Variants in ADAMTS12 observed in about 807,000 individuals in gnomAD.
The protein encoded by ADAMTS12 is A disintegrin and metalloproteinase with thrombospondin motifs 12.
In ADAMTS12, 118 loss-of-function variants were observed where a neutral mutation model predicts 167.8. The ratio of observed to expected loss-of-function variants is 0.70; its 90% CI spans 0.61 to 0.82. The LOEUF is 0.82. Ranked by LOEUF, ADAMTS12 falls within the 40% of genes least tolerant of loss-of-function variation. The probability of loss-of-function intolerance (pLI) is 0.00; values close to 1 mark genes in which losing one functional copy is unlikely to be tolerated. For missense variants in ADAMTS12, 1,916 were observed against 1,998.8 expected (o/e 0.96, Z 0.79); for synonymous variants, 704 against 716.9 (o/e 0.98, Z 0.29).
At chr5:33,531,787 G>A (rs184169139) in intron 23 of ADAMTS12, among the ~76,000 whole-genome samples, 2 of 152,298 alleles carry the variant, frequency 1.3e-5, no homozygotes, top group African/African-American at 4.8e-5. Context: ...ATGAGATCAA[G>A]AGCCTTGCTT....
At chr5:33,859,729 C>T (rs988763542) in intron 2 of ADAMTS12, among the ~76,000 whole-genome samples, 2 of 152,198 alleles carry the variant, frequency 1.3e-5, no homozygotes, top group Non-Finnish European at 2.9e-5. Context: ...CACCTCCCAG[C>T]AGGGGTCGAC....
chr5:33,867,461 T>C (rs1000586437), intron 2 of ADAMTS12, among the ~76,000 whole-genome samples: 9 of 151,874 alleles, frequency 5.9e-5, no homozygotes, highest in African/African-American at 1.9e-4. Context: ...GACTCAGAAG[T>C]GGGAGGTTGG....
chr5:33,717,997 A>G (rs1322390258), intron 3 of ADAMTS12, among the ~76,000 whole-genome samples: 1 of 152,214 alleles, frequency 6.6e-6, no homozygotes, highest in African/African-American at 2.4e-5. Context: ...TTGTGAGGCA[A>G]AAGTTTTACA....
chr5:33,626,305 G>A (rs1244925561), intron 13 of ADAMTS12, among the ~76,000 whole-genome samples: 3 of 150,912 alleles, frequency 2.0e-5, no homozygotes. Flanking sequence ...TGGTGCTGCG[G>A]GGTAATGGTG....
chr5:33,615,730 A>G (rs1738967456), intron 15 of ADAMTS12, 98 bp downstream of exon 15: 1 of 1,500,348 alleles, frequency 6.7e-7, no homozygotes, highest in Non-Finnish European at 9.0e-7. Flanking sequence ...GAGGTTTTAA[A>G]GATTCTGACT....
intron 20 of ADAMTS12, among the ~76,000 whole-genome samples, chr5:33,551,968 C>T (rs1031716520): frequency 2.0e-5 from 3 of 152,092 alleles, no homozygotes; most frequent in East Asian, 3.8e-4. Context: ...GTAAAGCCTG[C>T]GAACCAGACT....
chr5:33,537,222 T>C (rs1434397898), intron 22 of ADAMTS12, among the ~76,000 whole-genome samples: 1 of 152,230 alleles, frequency 6.6e-6, no homozygotes, highest in Non-Finnish European at 1.5e-5. Context: ...GTAAATATGA[T>C]CAATCAACTT....
At chr5:33,630,999 C>A in intron 12 of ADAMTS12, 86 bp from the exon 13 acceptor site, 1 of 1,501,920 alleles carries the variant, frequency 6.7e-7, no homozygotes, top group Non-Finnish European at 9.1e-7. Context: ...TTAGGACCCC[C>A]AAGTGTCATT....
At chr5:33,535,341 C>G (rs1184410702) in intron 22 of ADAMTS12, among the ~76,000 whole-genome samples, 1 of 152,184 alleles carries the variant, frequency 6.6e-6, no homozygotes, top group African/African-American at 2.4e-5. Flanking sequence ...GCCACCTGGC[C>G]ACACATGACT....
chr5:33,548,496 G>C (rs761114694), intron 21 of ADAMTS12, among the ~76,000 whole-genome samples: 4 of 152,060 alleles, frequency 2.6e-5, no homozygotes, highest in Non-Finnish European at 4.4e-5. Context: ...AATATGCAGG[G>C]TTCCTCTTTT....
At chr5:33,530,623 G>C (rs1744051087) in intron 23 of ADAMTS12, among the ~76,000 whole-genome samples, 1 of 152,206 alleles carries the variant, frequency 6.6e-6, no homozygotes, top group Non-Finnish European at 1.5e-5. Flanking sequence ...GAGGAAGGGT[G>C]GAGGCTCAGC....
intron 3 of ADAMTS12, among the ~76,000 whole-genome samples, chr5:33,719,367 C>A (rs1202109027): frequency 6.6e-6 from 1 of 152,128 alleles, no homozygotes; most frequent in Non-Finnish European, 1.5e-5. Context: ...AGAGCAGGCA[C>A]CCTCATACAC....
chr5:33,830,527 G>A (rs1014672834), intron 2 of ADAMTS12, among the ~76,000 whole-genome samples: 2 of 152,170 alleles, frequency 1.3e-5, no homozygotes, highest in African/African-American at 4.8e-5. Context: ...AGTGACTCAC[G>A]CCTGTAATCC....
chr5:33,580,757 A>T (rs890887699), intron 18 of ADAMTS12, among the ~76,000 whole-genome samples: 7 of 152,226 alleles, frequency 4.6e-5, no homozygotes, highest in Admixed American at 2.0e-4. Context: ...CCAACATTTT[A>T]AAAATTAGCA....
chr5:33,786,328 A>G (rs904375352), intron 2 of ADAMTS12, among the ~76,000 whole-genome samples: 6 of 152,216 alleles, frequency 3.9e-5, no homozygotes, highest in African/African-American at 1.4e-4. Flanking sequence ...TAAGGCTGTT[A>G]AAAACATTTT....
At chr5:33,822,842 C>A (rs1415751926) in intron 2 of ADAMTS12, among the ~76,000 whole-genome samples, 1 of 152,122 alleles carries the variant, frequency 6.6e-6, no homozygotes, top group Non-Finnish European at 1.5e-5. Context: ...AATCCCAGCA[C>A]TTTGGGGGGC....
At chr5:33,800,074 CA>C (rs757055753) in intron 2 of ADAMTS12, among the ~76,000 whole-genome samples, 1 of 152,150 alleles carries the variant, frequency 6.6e-6, no homozygotes, top group Non-Finnish European at 1.5e-5. Context: ...AAGGGGATAC[CA>C]ATATGACACT....
chr5:33,582,615 C>T (rs553049427), intron 18 of ADAMTS12, among the ~76,000 whole-genome samples: 2 of 152,290 alleles, frequency 1.3e-5, no homozygotes, highest in African/African-American at 2.4e-5. Context: ...CTGTGATGAG[C>T]TTTGTACTTT....
chr5:33,733,620 C>A (rs929683845), intron 3 of ADAMTS12, among the ~76,000 whole-genome samples: 6 of 152,246 alleles, frequency 3.9e-5, no homozygotes, highest in Non-Finnish European at 5.9e-5. Flanking sequence ...GCTGCAGCAC[C>A]CTTGGGTCCT....
Sources: allele counts gnomAD v4.1 joint callset (sites outside exome capture counted in the v4.1 genomes callset), GRCh38; gene constraint gnomAD v4.1.1; transcripts MANE v1.5; gene names NCBI Gene and HGNC (gene_info 2026-07-23, HGNC 2026-07-21).